CLYBL: variants seen among roughly 807,000 people sequenced by gnomAD.
CLYBL encodes citramalyl-CoA lyase, mitochondrial.
A neutral mutation model predicts 38.9 loss-of-function variants in CLYBL; 31 were observed. The ratio of observed to expected loss-of-function variants is 0.80; its 90% CI spans 0.60 to 1.08. The LOEUF (loss-of-function observed/expected upper bound fraction) is 1.08. Among genes scored for constraint, CLYBL ranks in the 50% least tolerant of loss-of-function variants. CLYBL has a pLI of 0.00. For synonymous variants in CLYBL, 171 were observed against 158.6 expected (o/e 1.08, Z -0.59); for missense variants, 434 against 411.6 (o/e 1.05, Z -0.47).
exon 10 of CLYBL, among the ~76,000 whole-genome samples, chr13:99,909,338 T>C (rs910942993): frequency 6.6e-6 from 1 of 152,236 alleles, no homozygotes; most frequent in African/African-American, 2.4e-5. Context: ...ACTCATCTCA[T>C]AGGGTTGTTA....
intron 1 of CLYBL, among the ~76,000 whole-genome samples, chr13:99,625,194 A>G (rs1384301897): frequency 6.6e-6 from 1 of 152,158 alleles, no homozygotes; most frequent in Non-Finnish European, 1.5e-5. Context: ...CTCCTTGAGG[A>G]CCAGGCACCA....
chr13:99,773,358 G>A (rs993384833), intron 2 of CLYBL, among the ~76,000 whole-genome samples: 6 of 152,188 alleles, frequency 3.9e-5, no homozygotes, highest in African/African-American at 1.4e-4. Flanking sequence ...ACCAGTACAG[G>A]CCACAATACA....
In CLYBL at chr13:99,758,581, TG is replaced by T. The variant is rs527633691; in HGVS notation, c.63-14238del. On this transcript the variant is annotated intron_variant, in intron 1 of 8. Coordinates refer to ENST00000339105, the MANE Select transcript of CLYBL (RefSeq NM_206808.5). ...GAACAGATTTTGGAACAGCTGGGGA[TG>T]GGGGAAGGAGAGGACTCACCAGCAG... is the stretch of plus-strand genomic sequence containing the variant. Among the ~76,000 whole-genome samples, 733 of 152,178 alleles carry T rather than the reference TG, an allele frequency of 4.8e-3. 7 individuals are homozygous for T. The highest frequency in any genetic ancestry group is 5.9e-3 in the Non-Finnish European group (403 of 67,986).
intron 1 of CLYBL, among the ~76,000 whole-genome samples, chr13:99,655,074 T>C (rs1347646150): frequency 6.7e-6 from 1 of 148,308 alleles, no homozygotes; most frequent in Non-Finnish European, 1.5e-5. Flanking sequence ...GGTGTTGCAT[T>C]TCTTTCTTTT....
At chr13:99,897,344 C>A (rs897248534), downstream of CLYBL, among the ~76,000 whole-genome samples, 4 of 152,172 alleles carry the variant, frequency 2.6e-5, no homozygotes, top group Admixed American at 1.3e-4. Flanking sequence ...TTTGCTCATA[C>A]GCAGGGAACT....
intron 1 of CLYBL, among the ~76,000 whole-genome samples, chr13:99,625,362 G>T (rs2046854475): frequency 6.6e-6 from 1 of 152,172 alleles, no homozygotes; most frequent in African/African-American, 2.4e-5. Context: ...TTTAGGCTCC[G>T]CAGACATTTA....
chr13:99,621,594 T>C (rs1277744600), intron 1 of CLYBL, among the ~76,000 whole-genome samples: 2 of 152,062 alleles, frequency 1.3e-5, no homozygotes, highest in East Asian at 1.9e-4. Context: ...TCTTCTTTCA[T>C]TGTATTAGTT....
At chr13:99,613,853 T>A (rs2046667028) in intron 1 of CLYBL, among the ~76,000 whole-genome samples, 1 of 152,178 alleles carries the variant, frequency 6.6e-6, no homozygotes, top group South Asian at 2.1e-4. Flanking sequence ...GTTGCCCAAA[T>A]GCATGGTGAG....
chr13:99,650,791 G>T (rs2047242763), intron 1 of CLYBL, among the ~76,000 whole-genome samples: 1 of 152,126 alleles, frequency 6.6e-6, no homozygotes, highest in Non-Finnish European at 1.5e-5. Flanking sequence ...TCTTCCAGAA[G>T]TAGCTTTCTG....
Position 99,811,382 on chromosome 13 carries a change from C to T in CLYBL, c.249+38372C>T, listed in dbSNP as rs1017111912. 3.9e-5 allele frequency among the ~76,000 whole-genome samples: 6 copies of T among 152,192 alleles called. 1 individual carries two copies. The highest frequency in any genetic ancestry group is 4.1e-4 in the South Asian group (2 of 4,832). ...CTCAGCCAGGCAGTAATAATAAAACCGGACAATGCCACAGAGCTGGCGTGG... is the reference window on the plus strand; with the variant it reads ...CTCAGCCAGGCAGTAATAATAAAACTGGACAATGCCACAGAGCTGGCGTGG... On this transcript the variant is annotated intron_variant, in intron 2 of 8. Transcript: ENST00000339105.
intron 1 of CLYBL, among the ~76,000 whole-genome samples, chr13:99,742,948 C>G (rs2048781779): frequency 6.6e-6 from 1 of 151,960 alleles, no homozygotes; most frequent in South Asian, 2.1e-4. Flanking sequence ...TTTTCCACTT[C>G]ACACTTTTGC....
At chr13:99,762,029 T>A (rs1339001668) in intron 1 of CLYBL, among the ~76,000 whole-genome samples, 1 of 152,236 alleles carries the variant, frequency 6.6e-6, no homozygotes, top group Non-Finnish European at 1.5e-5. Context: ...TTTTTGCTGT[T>A]CAGTTGTTTG....
intron 7 of CLYBL, chr13:99,884,939 C>T (rs747247659): frequency 1.1e-5 from 5 of 471,050 alleles, no homozygotes; most frequent in Non-Finnish European, 1.3e-5. Flanking sequence ...AAGAGTGACC[C>T]AAATCACCAA....
intron 2 of CLYBL, among the ~76,000 whole-genome samples, chr13:99,845,448 G>T (rs969988449): frequency 2.0e-5 from 3 of 152,218 alleles, no homozygotes; most frequent in Non-Finnish European, 4.4e-5. Flanking sequence ...AAGTGGTTGT[G>T]CAGTGCGCCT....
chr13:99,846,088 G>A (rs1021467600), intron 2 of CLYBL, among the ~76,000 whole-genome samples: 6 of 151,914 alleles, frequency 3.9e-5, no homozygotes, highest in Non-Finnish European at 8.8e-5. Context: ...AGTGAACTCT[G>A]TTTGTGCCTG....
At chr13:99,645,455 A>G (rs1330248034) in intron 1 of CLYBL, among the ~76,000 whole-genome samples, 4 of 143,680 alleles carry the variant, frequency 2.8e-5, no homozygotes, top group Admixed American at 7.4e-5. Context: ...CTGAGATTGC[A>G]CCACTGCACT....
intron 1 of CLYBL, among the ~76,000 whole-genome samples, chr13:99,638,846 C>T (rs1197276328): frequency 6.6e-6 from 1 of 152,142 alleles, no homozygotes; most frequent in Non-Finnish European, 1.5e-5. Context: ...ACACAGGTTG[C>T]CAATCCATCA....
intron 1 of CLYBL, among the ~76,000 whole-genome samples, chr13:99,739,746 G>T (rs1445685432): frequency 1.3e-5 from 2 of 152,184 alleles, no homozygotes; most frequent in Non-Finnish European, 2.9e-5. Flanking sequence ...GGCCGAGGTG[G>T]GTGGATCACC....
At chr13:99,818,908 C>T (rs571990978) in intron 2 of CLYBL, among the ~76,000 whole-genome samples, 57 of 152,168 alleles carry the variant, frequency 3.7e-4, no homozygotes, top group Admixed American at 3.7e-3. Flanking sequence ...CAAGCTGATG[C>T]ACTGTAATTG....
Sources: allele counts gnomAD v4.1 joint callset (sites outside exome capture counted in the v4.1 genomes callset), GRCh38; gene constraint gnomAD v4.1.1; transcripts MANE v1.5; gene names NCBI Gene and HGNC (gene_info 2026-07-23, HGNC 2026-07-21).